Variants in NAV2 observed in about 807,000 individuals in gnomAD.
NAV2 encodes the protein neuron navigator 2, also known as helicase, APC down-regulated 1.
NAV2 carries 54 observed loss-of-function variants against 223.2 expected under a neutral mutation model. The ratio of observed to expected loss-of-function variants is 0.24; its 90% CI spans 0.19 to 0.30. NAV2 has a LOEUF of 0.30. Ranked by LOEUF, NAV2 falls within the 10% of genes least tolerant of loss-of-function variation. The pLI is 1.00. For synonymous variants in NAV2, 1,279 were observed against 1,239.3 expected, an observed-to-expected ratio of 1.03 and a Z score of -0.67; for missense variants, 2,806 against 3,147.5, an observed-to-expected ratio of 0.89 and a Z score of 2.60.
At chr11:19,957,347 C>A (rs1306018359) in intron 10 of NAV2, among the ~76,000 whole-genome samples, 1 of 152,054 alleles carries the variant, frequency 6.6e-6, no homozygotes, top group Non-Finnish European at 1.5e-5. Flanking sequence ...GTTAAATATC[C>A]CAGGCAAGTA....
chr11:19,903,782 T>A (rs1481394939), intron 6 of NAV2, among the ~76,000 whole-genome samples: 1 of 152,208 alleles, frequency 6.6e-6, no homozygotes, highest in Non-Finnish European at 1.5e-5. Context: ...TCTCAGGCAC[T>A]GTGCTTGGGA....
Position 19,436,699 on chromosome 11 carries a change from T to A in NAV2, c.75+85672T>A, listed in dbSNP as rs1343756211. ...TGGACATTTTAACAATACTAATTGT[T>A]CTACTTCATGAACATAGGTTAGAAG... On this transcript the variant is annotated intron_variant, in intron 1 of 37. Coordinates refer to the NAV2 transcript ENST00000360655. 2.6e-5 allele frequency among the ~76,000 whole-genome samples: 4 copies of A among 152,304 alleles called. No homozygotes were observed. In the East Asian group the frequency reaches 7.7e-4, roughly 29 times the overall value.
intron 22 of NAV2, among the ~76,000 whole-genome samples, chr11:20,070,383 A>C (rs1331556968): frequency 6.6e-6 from 1 of 152,228 alleles, no homozygotes; most frequent in Non-Finnish European, 1.5e-5. Flanking sequence ...ATCAACAAAT[A>C]GTAGTTAACT....
chr11:19,387,172 G>A (rs537001718), intron 1 of NAV2, among the ~76,000 whole-genome samples: 6 of 152,112 alleles, frequency 3.9e-5, no homozygotes, highest in Admixed American at 6.5e-5. Flanking sequence ...ATTGGTTCAC[G>A]TTAATCGTTT....
chr11:20,033,269 A>T (rs1011249673), intron 11 of NAV2, among the ~76,000 whole-genome samples: 2 of 152,250 alleles, frequency 1.3e-5, no homozygotes, highest in Admixed American at 6.5e-5. Flanking sequence ...AGTACCCAGC[A>T]CAATGCCTGA....
intron 1 of NAV2, among the ~76,000 whole-genome samples, chr11:19,597,701 G>C (rs568173891): frequency 6.6e-6 from 1 of 152,234 alleles, no homozygotes. Context: ...GTGGACCTTT[G>C]TCTCTGTTTT....
intron 1 of NAV2, among the ~76,000 whole-genome samples, chr11:19,695,370 A>G (rs2049299283): frequency 6.6e-6 from 1 of 151,800 alleles, no homozygotes; most frequent in African/African-American, 2.4e-5. Flanking sequence ...GAATGACAAT[A>G]CCTGGCACAG....
intron 11 of NAV2, among the ~76,000 whole-genome samples, chr11:19,999,299 G>A (rs930992108): frequency 1.3e-5 from 2 of 152,200 alleles, no homozygotes; most frequent in African/African-American, 4.8e-5. Flanking sequence ...AAAAAAATCG[G>A]GTTATTCATG....
chr11:20,018,128 C>A (rs532269054), intron 11 of NAV2, among the ~76,000 whole-genome samples: 2 of 151,984 alleles, frequency 1.3e-5, no homozygotes, highest in African/African-American at 4.8e-5. Flanking sequence ...CCAAGGCAGG[C>A]GGATCACTTG....
At chr11:19,448,056 C>A (rs916968527) in intron 1 of NAV2, among the ~76,000 whole-genome samples, 1 of 152,164 alleles carries the variant, frequency 6.6e-6, no homozygotes, top group Non-Finnish European at 1.5e-5. Flanking sequence ...CCCAGCCCTG[C>A]CCTCAAGGGA....
intron 6 of NAV2, among the ~76,000 whole-genome samples, chr11:19,926,149 A>G (rs1352305450): frequency 1.3e-5 from 2 of 152,250 alleles, no homozygotes; most frequent in Admixed American, 1.3e-4. Flanking sequence ...GGATTGCATT[A>G]ACCAAACAAC....
chr11:19,895,937 AC>A (rs2041943602), intron 6 of NAV2, among the ~76,000 whole-genome samples: 1 of 151,214 alleles, frequency 6.6e-6, no homozygotes, highest in Non-Finnish European at 1.5e-5. Context: ...CTTGTCCTTC[AC>A]CTTGAGTTCT....
rs369085664 is a variant in NAV2, at chr11:19,588,588, G to T, written c.75+237561G>T. On this transcript the variant is annotated intron_variant, in intron 1 of 37. Coordinates refer to the NAV2 transcript ENST00000360655. ...AGATCCTCATATTTATAGGGCTGAG[G>T]TTCAAACAGAAGAAGTGGTACACAA... Among the ~76,000 whole-genome samples, 444 of 152,294 alleles carry T rather than the reference G, an allele frequency of 2.9e-3. 2 individuals carry two copies. The highest frequency in any genetic ancestry group is 9.6e-3 in the African/African-American group (398 of 41,566).
intron 1 of NAV2, chr11:19,511,737 G>A (rs1320672565): frequency 6.6e-6 from 1 of 152,148 alleles, no homozygotes; most frequent in East Asian, 1.9e-4. Context: ...GGAGGGAGAA[G>A]CCAGAATGAG....
Position 20,093,218 on chromosome 11 carries a change from C to T in NAV2, c.5916+19C>T, listed in dbSNP as rs2060983919. ...GAAGGAGGTTAGTTGGATCCCTTTC[C>T]CTGCTTTGCCTGTCCCTCCCCCAGG... On this transcript the variant is annotated intron_variant, in intron 29 of 37. Transcript: ENST00000349880. 1 of 1,520,422 alleles carries T rather than the reference C, an allele frequency of 6.6e-7. No homozygotes were observed. The highest frequency in any genetic ancestry group is 1.4e-5 in the African/African-American group (1 of 73,036). 94.2% of individuals were successfully genotyped at this position (1,520,422 alleles called of 1,614,324 possible).
intron 10 of NAV2, among the ~76,000 whole-genome samples, chr11:19,959,263 A>G (rs4757869): frequency 0.87 from 132,335 of 152,144 alleles, 57,933 homozygotes; most frequent in East Asian, 0.98. Flanking sequence ...AGGAAAACCC[A>G]GTCCCACAGC....
intron 1 of NAV2, among the ~76,000 whole-genome samples, chr11:19,661,867 C>A (rs139341349): frequency 6.6e-6 from 1 of 152,266 alleles, no homozygotes; most frequent in East Asian, 1.9e-4. Context: ...AGACTAATTG[C>A]TACTCAATTA....
chr11:19,835,755 ATCTACATAAAATTT>A (rs746257252), intron 2 of NAV2, among the ~76,000 whole-genome samples: 12 of 151,174 alleles, frequency 7.9e-5, no homozygotes, highest in South Asian at 2.1e-4. Flanking sequence ...TTTTATATAT[ATCTACATAAAATTT>A]TCTACATAAA....
intron 1 of NAV2, among the ~76,000 whole-genome samples, chr11:19,451,224 C>A (rs1012358321): frequency 2.0e-5 from 3 of 152,082 alleles, no homozygotes; most frequent in African/African-American, 7.2e-5. Flanking sequence ...AAACCGAGTC[C>A]CAAGCCTGCT....
Sources: allele counts gnomAD v4.1 joint callset (sites outside exome capture counted in the v4.1 genomes callset), GRCh38; gene constraint gnomAD v4.1.1; transcripts MANE v1.5; gene names NCBI Gene and HGNC (gene_info 2026-07-23, HGNC 2026-07-21).